COL22A1: variants seen among roughly 807,000 people sequenced by gnomAD.
COL22A1 encodes collagen alpha-1(XXII) chain.
Under a neutral mutation model 248.9 loss-of-function variants are expected in COL22A1, and 221 were observed. The observed-to-expected ratio is 0.89, with a 90% CI of 0.80 to 0.99. COL22A1 has a LOEUF of 0.99. Ranked by LOEUF, COL22A1 falls within the 50% of genes least tolerant of loss-of-function variation. COL22A1 has a pLI of 0.00. For missense variants in COL22A1, 2,240 were observed against 2,179.0 expected (o/e 1.03, Z -0.56); for synonymous variants, 891 against 793.4 (o/e 1.12, Z -2.07).
chr8:138,857,072 C>T (rs553018056), intron 3 of COL22A1, among the ~76,000 whole-genome samples: 7 of 152,104 alleles, frequency 4.6e-5, no homozygotes, highest in South Asian at 2.1e-4. Flanking sequence ...CCTTGCTGTC[C>T]GCATCCCCAT....
intron 12 of COL22A1, among the ~76,000 whole-genome samples, chr8:138,791,248 G>A (rs1035128790): frequency 2.0e-5 from 3 of 152,170 alleles, no homozygotes; most frequent in Admixed American, 2.0e-4. Context: ...CAGGATGCTG[G>A]GCGTGCAAGG....
chr8:138,612,880 G>T (rs59348891), intron 56 of COL22A1, among the ~76,000 whole-genome samples: 10 of 131,094 alleles, frequency 7.6e-5, no homozygotes, highest in Non-Finnish European at 1.1e-4. Flanking sequence ...AGGTTGCAAT[G>T]AGCCAAGATC....
At chr8:138,762,522 C>T in intron 16 of COL22A1, 56 bp from the exon 17 acceptor site, 1 of 1,540,216 alleles carries the variant, frequency 6.5e-7, no homozygotes, top group South Asian at 1.1e-5. Flanking sequence ...AGGCAGCAGC[C>T]CAGCACACAT....
chr8:138,901,832 C>A (rs1389150239), intron 1 of COL22A1, among the ~76,000 whole-genome samples: 1 of 152,046 alleles, frequency 6.6e-6, no homozygotes, highest in East Asian at 1.9e-4. Context: ...CCGGTGTCGC[C>A]TGACTGCATG....
chr8:138,670,032 A>G (rs890279396), intron 41 of COL22A1, among the ~76,000 whole-genome samples: 2 of 151,830 alleles, frequency 1.3e-5, no homozygotes, highest in Non-Finnish European at 2.9e-5. Context: ...GATTACAGGC[A>G]CCCACCACCA....
At chr8:138,623,260 TTATGTG>T (rs1564109202) in intron 52 of COL22A1, among the ~76,000 whole-genome samples, 3 of 52,502 alleles carry the variant, frequency 5.7e-5, no homozygotes, top group African/African-American at 2.0e-4. Context: ...ATATATATAT[TTATGTG>T]TGTGTGTGTG....
rs1564189943 is a variant in COL22A1, at chr8:138,684,445, G to A, written c.2992C>T (p.Pro998Ser). 4.3e-6 allele frequency: 7 copies of A among 1,611,694 alleles called. No individual in the cohort carries two copies. The South Asian group carries it at 5.5e-5, about 13-fold the overall frequency. ...EPGLRGSPGLPGPLGTKAACG... is the reference protein window; with the variant it reads ...EPGLRGSPGLSGPLGTKAACG... ...CTCACCTTGGTTCCTAGGGGTCCAG[G>A]GAGTCCAGGTGATCCACGGAGTCCC... is the stretch of plus-strand genomic sequence containing the variant. The change falls in exon 39 of 65, where the codon CCT becomes TCT. Residue 998 changes from proline to serine, a missense_variant. Physicochemically the swap from Pro to Ser is moderately conservative, Grantham distance 74 (BLOSUM62 -1). Transcript: ENST00000303045.
intron 56 of COL22A1, 27 bp downstream of exon 56, chr8:138,613,840 G>C: frequency 6.2e-7 from 1 of 1,601,378 alleles, no homozygotes; most frequent in South Asian, 1.1e-5. Context: ...ATAACATGAA[G>C]CACATTAGTC....
chr8:138,831,433 G>A (rs1820039179), intron 5 of COL22A1, among the ~76,000 whole-genome samples: 1 of 152,166 alleles, frequency 6.6e-6, no homozygotes, highest in Non-Finnish European at 1.5e-5. Context: ...GGGGAGATAA[G>A]ACTATTGCAC....
At chr8:138,696,469 A>T (rs1827512181) in intron 32 of COL22A1, among the ~76,000 whole-genome samples, 1 of 152,218 alleles carries the variant, frequency 6.6e-6, no homozygotes, top group African/African-American at 2.4e-5. Context: ...TCTAACCTTT[A>T]CTTGGTGGAG....
At chr8:138,744,553 C>T (rs1007050168) in intron 22 of COL22A1, among the ~76,000 whole-genome samples, 2 of 152,112 alleles carry the variant, frequency 1.3e-5, no homozygotes, top group African/African-American at 4.8e-5. Flanking sequence ...CAGAGCCAGG[C>T]AGATCTCATG....
intron 58 of COL22A1, 21 bp from the exon 59 acceptor site, chr8:138,604,790 T>C: frequency 6.2e-7 from 1 of 1,606,466 alleles, no homozygotes; most frequent in South Asian, 1.1e-5. Context: ...GAACAGAATA[T>C]CAGTGGCTCT....
chr8:138,847,200 C>T (rs1368200697), intron 3 of COL22A1, among the ~76,000 whole-genome samples: 1 of 152,196 alleles, frequency 6.6e-6, no homozygotes, highest in Non-Finnish European at 1.5e-5. Context: ...CACTGTCTTT[C>T]TAGCTCCAAA....
chr8:138,621,927 T>C (rs4623432), intron 52 of COL22A1, among the ~76,000 whole-genome samples: 120,105 of 152,162 alleles, frequency 0.79, 49,204 homozygotes, highest in Non-Finnish European at 0.9. Flanking sequence ...AGTAGCTCGT[T>C]GAGACTTTTC....
At chr8:138,750,477 T>C (rs1832504730) in intron 22 of COL22A1, among the ~76,000 whole-genome samples, 1 of 152,084 alleles carries the variant, frequency 6.6e-6, no homozygotes, top group African/African-American at 2.4e-5. Context: ...ATGTGAACTG[T>C]GATGGGGAGG....
chr8:138,792,024 G>A (rs773566260), intron 12 of COL22A1, among the ~76,000 whole-genome samples: 3 of 152,076 alleles, frequency 2.0e-5, no homozygotes, highest in Non-Finnish European at 4.4e-5. Flanking sequence ...TTTTGGTGGT[G>A]CTTGTTATTG....
intron 6 of COL22A1, among the ~76,000 whole-genome samples, chr8:138,823,093 G>A (rs1248749357): frequency 6.6e-6 from 1 of 152,196 alleles, no homozygotes; most frequent in East Asian, 1.9e-4. Flanking sequence ...TTTTAGCTGT[G>A]TGACCTTGGG....
chr8:138,636,490 G>A (rs1256105706), intron 48 of COL22A1, among the ~76,000 whole-genome samples: 1 of 128,348 alleles, frequency 7.8e-6, no homozygotes, highest in African/African-American at 3.0e-5. Context: ...AGAAAGGAAA[G>A]GAAAGGAAAG....
rs958284385 is a variant in COL22A1, at chr8:138,619,506, G to T, written c.3774C>A (p.Gly1258=). 6.2e-7 allele frequency: 1 copy of T among 1,613,870 alleles called. No homozygotes were observed. Among genetic ancestry groups the T allele is most frequent in the Non-Finnish European group, 8.5e-7 (1 of 1,179,806 alleles). The change falls in exon 53 of 65, where the codon GGC becomes GGA. Residue 1258 remains glycine (G), a splice_region_variant and synonymous_variant. Transcript: ENST00000303045. ...DGKPGPPGEP[G]KAGEPGLPGP... ...CTGGTAGACCTGGCTCTCCTGCTTT[G>T]CCCTGAGAGTAAGGAAGAAAAGAAG...
Sources: allele counts gnomAD v4.1 joint callset (sites outside exome capture counted in the v4.1 genomes callset), GRCh38; gene constraint gnomAD v4.1.1; transcripts MANE v1.5; gene names NCBI Gene and HGNC (gene_info 2026-07-23, HGNC 2026-07-21).